The following SMIM10L3 variants were observed in gnomAD, a reference collection of about 807,000 sequenced individuals.
The protein encoded by SMIM10L3 is salivary gland specific protein SAGSIN1.
the SMIM10L3 span, among the ~76,000 whole-genome samples, chr7:6,331,933 A>G: frequency 6.6e-6 from 1 of 151,474 alleles, no homozygotes; most frequent in African/African-American, 2.4e-5. Context: ...TTTAGTAGAG[A>G]TGAGGGTTCG....
the SMIM10L3 span, among the ~76,000 whole-genome samples, chr7:6,337,324 G>A: frequency 6.6e-6 from 1 of 151,850 alleles, no homozygotes; most frequent in African/African-American, 2.4e-5. Context: ...GTTTTACCAT[G>A]ATGGCCAGGC....
the SMIM10L3 span, chr7:6,348,861 C>T: frequency 2.6e-6 from 1 of 388,610 alleles, no homozygotes; most frequent in Non-Finnish European, 4.5e-6. Context: ...AAGGAGGCGG[C>T]GGCTAGACCG....
the SMIM10L3 span, among the ~76,000 whole-genome samples, chr7:6,337,073 C>CTTTTTTTTTTTTT: frequency 4.1e-5 from 6 of 144,880 alleles, no homozygotes; most frequent in East Asian, 2.0e-4. Context: ...TATTTTAATT[C>CTTTTTTTTTTTTT]TTTTTTTTTT....
At chr7:6,330,578 A>G in the SMIM10L3 span, 1 of 1,614,164 alleles carries the variant, frequency 6.2e-7, no homozygotes, top group South Asian at 1.1e-5. Flanking sequence ...AGCGTTGCAG[A>G]CAGGATGGAG....
the SMIM10L3 span, among the ~76,000 whole-genome samples, chr7:6,334,097 T>A: frequency 2.6e-5 from 4 of 151,256 alleles, no homozygotes; most frequent in Non-Finnish European, 5.9e-5. Flanking sequence ...CCGCCCACCT[T>A]GGCCTCCCAA....
the SMIM10L3 span, among the ~76,000 whole-genome samples, chr7:6,338,256 T>A: frequency 1.3e-5 from 2 of 152,160 alleles, no homozygotes; most frequent in Non-Finnish European, 2.9e-5. Context: ...CATTTATGAG[T>A]TTTTTCATAG....
At chr7:6,338,755 G>C in the SMIM10L3 span, 1 of 152,336 alleles carries the variant, frequency 6.6e-6, no homozygotes, top group African/African-American at 2.4e-5. Flanking sequence ...CCTAACCCAA[G>C]CTATTCCTGG....
the SMIM10L3 span, among the ~76,000 whole-genome samples, chr7:6,342,464 A>G: frequency 4.6e-5 from 7 of 151,180 alleles, no homozygotes; most frequent in African/African-American, 1.7e-4. Flanking sequence ...ACTTGAACCC[A>G]GAAGTCAGAA....
the SMIM10L3 span, among the ~76,000 whole-genome samples, chr7:6,337,136 A>ATCCCAGCT: frequency 6.6e-6 from 1 of 150,970 alleles, no homozygotes; most frequent in Admixed American, 6.6e-5. Context: ...CAGTGGCGCA[A>ATCCCAGCT]TCTCAGCTCA....
At chr7:6,334,243 A>C in the SMIM10L3 span, among the ~76,000 whole-genome samples, 17 of 148,640 alleles carry the variant, frequency 1.1e-4, no homozygotes, top group Non-Finnish European at 1.9e-4. Context: ...ATTTTTTTAA[A>C]GTTGTTGACT....
At chr7:6,348,437 G>A in the SMIM10L3 span, 4 of 396,518 alleles carry the variant, frequency 1.0e-5, no homozygotes, top group African/African-American at 4.2e-5. Flanking sequence ...CCCCAAAGTA[G>A]GGTCGCACGG....
At chr7:6,330,593 G>C in the SMIM10L3 span, 6 of 1,614,062 alleles carry the variant, frequency 3.7e-6, no homozygotes, top group African/African-American at 8.0e-5. Flanking sequence ...ATGGAGTGCA[G>C]GCAAGCGGGT....
At chr7:6,348,208 G>A in the SMIM10L3 span, among the ~76,000 whole-genome samples, 1 of 139,674 alleles carries the variant, frequency 7.2e-6, no homozygotes, top group African/African-American at 2.6e-5. Flanking sequence ...GCCCGGCCGA[G>A]ACCCGTCTTT....
chr7:6,346,581 C>G, the SMIM10L3 span, among the ~76,000 whole-genome samples: 1 of 152,102 alleles, frequency 6.6e-6, no homozygotes, highest in African/African-American at 2.4e-5. Context: ...GGGTTTCACC[C>G]TGTAGCCCAG....
the SMIM10L3 span, among the ~76,000 whole-genome samples, chr7:6,333,583 G>C: frequency 6.6e-6 from 1 of 151,676 alleles, no homozygotes; most frequent in South Asian, 2.1e-4. Flanking sequence ...ACTGCAGCCT[G>C]TAACTTCTGG....
chr7:6,337,131 G>A, the SMIM10L3 span, among the ~76,000 whole-genome samples: 3,072 of 151,658 alleles, frequency 0.02, 53 homozygotes, highest in Non-Finnish European at 0.03. Context: ...GAGTGCAGTG[G>A]CGCAATCTCA....
chr7:6,339,554 G>A, the SMIM10L3 span, among the ~76,000 whole-genome samples: 2 of 151,710 alleles, frequency 1.3e-5, no homozygotes, highest in Non-Finnish European at 2.9e-5. Context: ...AGCAATCTCA[G>A]CTCACTGCAA....
At chr7:6,332,091 G>A in the SMIM10L3 span, among the ~76,000 whole-genome samples, 34 of 147,078 alleles carry the variant, frequency 2.3e-4, no homozygotes, top group South Asian at 1.5e-3. Context: ...CAGCCTGGGC[G>A]ACAGCTAGAC....
the SMIM10L3 span, among the ~76,000 whole-genome samples, chr7:6,348,240 G>GGGGC: frequency 6.6e-6 from 1 of 150,838 alleles, no homozygotes; most frequent in Admixed American, 6.6e-5. Context: ...TAAGGGGGGG[G>GGGGC]GTTGCAAAGT....
Sources: gnomAD v4.1 joint callset for allele counts (sites outside exome capture counted in the v4.1 genomes callset) on GRCh38, gnomAD v4.1.1 for gene constraint, MANE v1.5 for transcripts, NCBI Gene and HGNC (gene_info 2026-07-23, HGNC 2026-07-21) for gene names.